Variants in CADM2 observed in about 807,000 individuals in gnomAD.
CADM2 encodes cell adhesion molecule 2.
A neutral mutation model predicts 49.8 loss-of-function variants in CADM2; 12 were observed. The observed-to-expected ratio is 0.24, with a 90% CI of 0.15 to 0.39. The LOEUF (loss-of-function observed/expected upper bound fraction) is 0.39. Ranked by LOEUF, CADM2 falls within the 10% of genes least tolerant of loss-of-function variation. CADM2 has a pLI of 1.00. For missense variants in CADM2, 378 were observed against 492.3 expected, an observed-to-expected ratio of 0.77 and a Z score of 2.20; for synonymous variants, 214 against 175.4, an observed-to-expected ratio of 1.22 and a Z score of -1.74.
chr3:85,612,072 A>G (rs962506492), intron 1 of CADM2, among the ~76,000 whole-genome samples: 6 of 151,924 alleles, frequency 3.9e-5, no homozygotes, highest in Non-Finnish European at 4.4e-5. Flanking sequence ...AATGGAATTA[A>G]GTATAGCAAT....
intron 1 of CADM2, among the ~76,000 whole-genome samples, chr3:85,660,044 C>T (rs1347367376): frequency 6.6e-6 from 1 of 152,108 alleles, no homozygotes; most frequent in Admixed American, 6.6e-5. Context: ...AACTAGCTGA[C>T]AGTGAATGTT....
At chr3:85,793,309 T>C (rs1490485821) in intron 2 of CADM2, among the ~76,000 whole-genome samples, 1 of 152,234 alleles carries the variant, frequency 6.6e-6, no homozygotes, top group Admixed American at 6.5e-5. Flanking sequence ...CCACTGGTGT[T>C]AGTTAGAGAG....
At chr3:85,801,202 G>T (rs1053783681) in intron 2 of CADM2, among the ~76,000 whole-genome samples, 7 of 151,978 alleles carry the variant, frequency 4.6e-5, no homozygotes, top group African/African-American at 1.2e-4. Flanking sequence ...TAAACTATTA[G>T]AAGTGCACTT....
At chr3:85,872,397 T>C (rs1202324483) in intron 3 of CADM2, among the ~76,000 whole-genome samples, 2 of 152,186 alleles carry the variant, frequency 1.3e-5, no homozygotes, top group Non-Finnish European at 2.9e-5. Flanking sequence ...TGTTCTTTTA[T>C]TGTGAATTTC....
At chr3:85,861,903 A>G (rs1312924241) in intron 3 of CADM2, among the ~76,000 whole-genome samples, 1 of 152,108 alleles carries the variant, frequency 6.6e-6, no homozygotes, top group Admixed American at 6.6e-5. Flanking sequence ...AAAATTTAAT[A>G]TAATATGTCC....
In CADM2 at chr3:85,759,792, G is replaced by A. The variant is rs73142863; in HGVS notation, c.88+33244G>A. Among the ~76,000 whole-genome samples the A allele has an allele frequency of 8.6e-3, 1,310 of 152,120 alleles. 15 individuals are homozygous for A. Among genetic ancestry groups the A allele is most frequent in the Middle Eastern group, 0.041 (12 of 294 alleles). Reference sequence around the variant, plus strand: ...AATCATTAACAGTCTCTGCCATACTGGGGACCTTGGGGACATTACGTTGTG... The same window carrying A: ...AATCATTAACAGTCTCTGCCATACTAGGGACCTTGGGGACATTACGTTGTG... On this transcript the variant is annotated intron_variant, in intron 2 of 9. Transcript: ENST00000383699.
chr3:85,146,474 C>T (rs1489748662), intron 1 of CADM2, among the ~76,000 whole-genome samples: 1 of 151,938 alleles, frequency 6.6e-6, no homozygotes, highest in Admixed American at 6.6e-5. Context: ...GATCTATAAA[C>T]TTTCTTTTGG....
At chr3:86,014,371 G>T in intron 8 of CADM2, 2 of 1,433,708 alleles carry the variant, frequency 1.4e-6, no homozygotes, top group Non-Finnish European at 1.9e-6. Flanking sequence ...TTTGCAGCTG[G>T]TAGCTTGACT....
chr3:85,407,969 T>C (rs368356766), intron 1 of CADM2, among the ~76,000 whole-genome samples: 20 of 114,478 alleles, frequency 1.7e-4, no homozygotes, highest in African/African-American at 6.6e-4. Flanking sequence ...CAGTGAGCAA[T>C]AGGGCAAGAC....
At position 85,411,240 on chromosome 3, in the gene CADM2, A is replaced by G. The variant is rs2035643497; in HGVS notation, c.62-315282A>G. Among the ~76,000 whole-genome samples, 3 of 152,172 alleles carry G rather than the reference A, an allele frequency of 2.0e-5. No homozygotes were observed. The South Asian group carries it at 6.2e-4, about 32-fold the overall frequency. On this transcript the variant is annotated intron_variant, in intron 1 of 9. Transcript: ENST00000383699. ...CTCTAGGGGTCTTATTAGAGTATAT[A>G]AAGGCTTAGGAAGCTAACACAGGAC...
chr3:85,678,289 G>A (rs1396076019), intron 1 of CADM2, among the ~76,000 whole-genome samples: 1 of 152,154 alleles, frequency 6.6e-6, no homozygotes, highest in East Asian at 1.9e-4. Flanking sequence ...GATAGTGAAG[G>A]AGATTGATAA....
intron 1 of CADM2, among the ~76,000 whole-genome samples, chr3:85,191,570 C>A (rs1438368217): frequency 6.6e-6 from 1 of 151,992 alleles, no homozygotes; most frequent in Non-Finnish European, 1.5e-5. Flanking sequence ...AAGTTTGGCT[C>A]CAAATAGATG....
chr3:85,924,730 G>A (rs866552142), intron 6 of CADM2, among the ~76,000 whole-genome samples: 1 of 152,058 alleles, frequency 6.6e-6, no homozygotes, highest in African/African-American at 2.4e-5. Context: ...TTATGATAGA[G>A]ACACATTGCT....
At chr3:85,329,524 T>G (rs2044854614) in intron 1 of CADM2, among the ~76,000 whole-genome samples, 1 of 151,888 alleles carries the variant, frequency 6.6e-6, no homozygotes, top group African/African-American at 2.4e-5. Flanking sequence ...GAGCCGAGAT[T>G]GCACGGAGCC....
chr3:85,408,010 C>CAAAAAAAAAAAAA (rs372349246), intron 1 of CADM2, among the ~76,000 whole-genome samples: 18 of 56,134 alleles, frequency 3.2e-4, no homozygotes, highest in East Asian at 2.2e-3. Flanking sequence ...AAAACAAAAC[C>CAAAAAAAAAAAAA]AAAAAAAAAA....
intron 1 of CADM2, among the ~76,000 whole-genome samples, chr3:85,190,050 G>A (rs1226173601): frequency 6.6e-6 from 1 of 150,688 alleles, no homozygotes; most frequent in Non-Finnish European, 1.5e-5. Context: ...CAGTGAGGGA[G>A]AGCAAGACAA....
At chr3:85,866,969 G>A (rs1231106931) in intron 3 of CADM2, among the ~76,000 whole-genome samples, 3 of 152,064 alleles carry the variant, frequency 2.0e-5, no homozygotes. Flanking sequence ...ATAAGTTCTA[G>A]TAGAATGAAT....
intron 1 of CADM2, among the ~76,000 whole-genome samples, chr3:85,416,099 C>G (rs1252697682): frequency 6.6e-6 from 1 of 151,964 alleles, no homozygotes; most frequent in Non-Finnish European, 1.5e-5. Context: ...CTATATTTTT[C>G]TATAAAATAG....
chr3:85,176,481 T>G (rs190702998), intron 1 of CADM2, among the ~76,000 whole-genome samples: 63 of 152,278 alleles, frequency 4.1e-4, no homozygotes, highest in Non-Finnish European at 7.6e-4. Context: ...GAAACCTCAC[T>G]TTTTTTCTAT....
Sources: gnomAD v4.1 joint callset for allele counts (sites outside exome capture counted in the v4.1 genomes callset) on GRCh38, gnomAD v4.1.1 for gene constraint, MANE v1.5 for transcripts, NCBI Gene and HGNC (gene_info 2026-07-23, HGNC 2026-07-21) for gene names.